The following SLC24A2 variants were observed in gnomAD, a reference collection of about 807,000 sequenced individuals.
The protein encoded by SLC24A2 is sodium/potassium/calcium exchanger 2.
SLC24A2 carries 36 observed loss-of-function variants against 62.0 expected under a neutral mutation model. That is an observed-to-expected ratio of 0.58 (90% confidence interval 0.44 to 0.77). The LOEUF is 0.77. SLC24A2 is among the 30% of genes least tolerant of loss of function. The pLI is 0.00. For synonymous variants in SLC24A2, 358 were observed against 294.0 expected (o/e 1.22, Z -2.23); for missense variants, 846 against 817.9 (o/e 1.03, Z -0.42).
the SLC24A2 span, among the ~76,000 whole-genome samples, chr9:19,819,934 G>A: frequency 6.7e-6 from 1 of 149,166 alleles, no homozygotes; most frequent in Non-Finnish European, 1.5e-5. Context: ...ATTCACAATT[G>A]TAAAATCGTG....
At chr9:19,742,564 A>T (rs1002401869) in intron 2 of SLC24A2, among the ~76,000 whole-genome samples, 8 of 151,686 alleles carry the variant, frequency 5.3e-5, no homozygotes, top group African/African-American at 1.7e-4. Flanking sequence ...CTGTTCTTAA[A>T]TTTTTTTTTA....
chr9:19,767,038 A>G (rs900510233), intron 2 of SLC24A2, among the ~76,000 whole-genome samples: 2 of 151,944 alleles, frequency 1.3e-5, no homozygotes, highest in African/African-American at 4.8e-5. Context: ...GTGACTTTGC[A>G]GTGCTGTGGT....
At chr9:19,956,922 C>T in the SLC24A2 span, among the ~76,000 whole-genome samples, 1 of 152,156 alleles carries the variant, frequency 6.6e-6, no homozygotes, top group Non-Finnish European at 1.5e-5. Flanking sequence ...TGTCTATACA[C>T]CAGGAAGTAG....
At chr9:20,177,773 C>G in the SLC24A2 span, among the ~76,000 whole-genome samples, 5 of 152,162 alleles carry the variant, frequency 3.3e-5, no homozygotes, top group African/African-American at 9.6e-5. Context: ...GTTGACTATA[C>G]CACATACAGT....
At chr9:19,580,978 T>C (rs549639406) in intron 5 of SLC24A2, among the ~76,000 whole-genome samples, 5 of 152,190 alleles carry the variant, frequency 3.3e-5, no homozygotes, top group African/African-American at 1.2e-4. Context: ...TGAGAAAATA[T>C]GTGTAAAGGG....
In SLC24A2 at chr9:19,608,317, C is replaced by CTT. The variant is rs879339807; in HGVS notation, c.1079-11040_1079-11039dup. On this transcript the variant is annotated intron_variant, in intron 4 of 10. Transcript: ENST00000341998. ...AAATTTATGAAAGCTCATTTTGAAG[C>CTT]TTTTTTTTTTTTTAAATAGAAGCTA... 3.3e-4 allele frequency among the ~76,000 whole-genome samples: 48 copies of CTT among 143,450 alleles called. 1 individual carries two copies. The highest frequency in any genetic ancestry group is 1.2e-3 in the African/African-American group (46 of 39,248). 94.1% of individuals were successfully genotyped at this position (143,450 alleles called of 152,430 possible). A position where few individuals can be genotyped will look rare whatever the true frequency, so the allele number is the denominator to read the frequency against.
intron 2 of SLC24A2, among the ~76,000 whole-genome samples, chr9:19,752,274 A>ATTCCT (rs1347675033): frequency 3.9e-5 from 6 of 152,058 alleles, no homozygotes; most frequent in African/African-American, 1.4e-4. Flanking sequence ...CACCCTAGGA[A>ATTCCT]AGGGTGAGTT....
chr9:19,579,404 A>G (rs1439833798), intron 5 of SLC24A2, among the ~76,000 whole-genome samples: 2 of 152,178 alleles, frequency 1.3e-5, no homozygotes, highest in East Asian at 3.9e-4. Flanking sequence ...TCCTCAGCCT[A>G]AAGAGGAGTT....
At chr9:19,906,267 C>A in the SLC24A2 span, among the ~76,000 whole-genome samples, 1 of 151,914 alleles carries the variant, frequency 6.6e-6, no homozygotes, top group Admixed American at 6.6e-5. Flanking sequence ...TAAAGATGTT[C>A]TTTGAAACCA....
chr9:20,090,337 G>A, the SLC24A2 span, among the ~76,000 whole-genome samples: 2 of 152,136 alleles, frequency 1.3e-5, no homozygotes, highest in Admixed American at 6.5e-5. Flanking sequence ...GTTGGGGAGG[G>A]CACATAAGCC....
At position 19,516,372 on chromosome 9, in the gene SLC24A2, G is replaced by A; in HGVS notation, c.1767C>T (p.Val589=). 6.2e-7 allele frequency: 1 copy of A among 1,614,078 alleles called. No homozygotes were observed. Among genetic ancestry groups the A allele is most frequent in the South Asian group, 1.1e-5 (1 of 91,066 alleles). Residue 589 remains valine (V), a synonymous_variant, in exon 11 of 11, where the codon GTC becomes GTT. Coordinates refer to ENST00000341998, the MANE Select transcript of SLC24A2 (RefSeq NM_020344.4). ...GLPLPWLLYT[V]IHRFQPVAVS... is the part of the protein sequence containing the mutation. The stretch of plus-strand genomic sequence containing the variant: ...CAGCCACTGGCTGGAATCTGTGAAT[G>A]ACGGTGTACAGGAGCCAGGGCAGTG...
chr9:19,547,730 CAT>C (rs1479460589), intron 8 of SLC24A2, among the ~76,000 whole-genome samples: 1 of 151,532 alleles, frequency 6.6e-6, no homozygotes, highest in Non-Finnish European at 1.5e-5. Flanking sequence ...GGCCACACCA[CAT>C]GAGGCCCCTT....
rs575257157 is a variant in SLC24A2 at position 19,514,696 on chromosome 9, C to T, written c.*1457G>A. On this transcript the variant is annotated 3_prime_UTR_variant, in exon 11 of 11. Transcript: ENST00000341998. ...CCAGTATAAGGAAGCTGTCAAATACCGTGTACTCTAAAACTTAGACAGAAT... is the reference window on the plus strand; with the variant it reads ...CCAGTATAAGGAAGCTGTCAAATACTGTGTACTCTAAAACTTAGACAGAAT... 1.1e-4 allele frequency: 16 copies of T among 152,178 alleles called. No homozygotes were observed. The highest frequency in any genetic ancestry group is 2.6e-4 in the Admixed American group (4 of 15,294). 9.4% of individuals were successfully genotyped at this position (152,178 alleles called of 1,614,324 possible).
chr9:19,691,651 A>C (rs1018137105), intron 2 of SLC24A2, among the ~76,000 whole-genome samples: 2 of 152,184 alleles, frequency 1.3e-5, no homozygotes, highest in Non-Finnish European at 2.9e-5. Context: ...TCTCTGGTTA[A>C]AAGTACAGAA....
At chr9:20,057,878 T>A in the SLC24A2 span, among the ~76,000 whole-genome samples, 1 of 152,160 alleles carries the variant, frequency 6.6e-6, no homozygotes, top group Non-Finnish European at 1.5e-5. Context: ...GTTGTAAGTA[T>A]CAGAACCATG....
At chr9:19,977,113 TTGTGTGTGTGTGTGTG>T in the SLC24A2 span, among the ~76,000 whole-genome samples, 2 of 145,218 alleles carry the variant, frequency 1.4e-5, no homozygotes, top group Non-Finnish European at 3.0e-5. Flanking sequence ...ATTTCTATAT[TTGTGTGTGTGTGTGTG>T]TGTGTGTGTG....
chr9:20,217,460 T>C, the SLC24A2 span, among the ~76,000 whole-genome samples: 56 of 152,274 alleles, frequency 3.7e-4, no homozygotes, highest in African/African-American at 1.3e-3. Context: ...ATTTGTGCTC[T>C]TCTCTGCATG....
At position 19,788,978 on chromosome 9, in the gene SLC24A2, C is replaced by T. The variant is rs1823264644; in HGVS notation, c.-247G>A. The T allele has an allele frequency of 9.2e-6, 9 of 981,676 alleles. No homozygotes were observed. In the South Asian group the frequency reaches 2.8e-4, roughly 31 times the overall value. The allele number at this position is 981,676 out of a possible 1,614,324, so 60.8% of individuals were successfully genotyped here. On this transcript the variant is annotated 5_prime_UTR_variant, in exon 1 of 11. Coordinates refer to ENST00000341998, the MANE Select transcript of SLC24A2 (RefSeq NM_020344.4). ...CCCTCCGCCTACCCGCTCTGAGGCC[C>T]GGGCTCTGGCTCGCACTGGCTGCCG... is the stretch of plus-strand genomic sequence containing the variant.
chr9:19,512,484 G>C lies in SLC24A2; in HGVS notation c.*3669C>G, dbSNP rs774576803. 6.6e-6 allele frequency: 1 copy of C among 152,228 alleles called. No individual in the cohort carries two copies. The highest frequency in any genetic ancestry group is 6.5e-5 in the Admixed American group (1 of 15,274). 9.4% of individuals were successfully genotyped at this position (152,228 alleles called of 1,614,324 possible). Reference sequence around the variant, plus strand: ...CTCTGTCACTGCCTGACTCAGTTTAGGTCCTGGGAAGCTGCATAAACACCA... The same window carrying C: ...CTCTGTCACTGCCTGACTCAGTTTACGTCCTGGGAAGCTGCATAAACACCA... On this transcript the variant is annotated 3_prime_UTR_variant, in exon 11 of 11. Transcript: ENST00000341998.
Sources: allele counts gnomAD v4.1 joint callset (sites outside exome capture counted in the v4.1 genomes callset), GRCh38; gene constraint gnomAD v4.1.1; transcripts MANE v1.5; gene names NCBI Gene and HGNC (gene_info 2026-07-23, HGNC 2026-07-21).